Variants in SLC39A11 observed in about 807,000 individuals in gnomAD.
The protein encoded by SLC39A11 is zinc transporter ZIP11.
In SLC39A11, 33 loss-of-function variants were observed where a neutral mutation model predicts 36.1. The ratio of observed to expected loss-of-function variants is 0.91; its 90% CI spans 0.69 to 1.22. SLC39A11 has a LOEUF of 1.22. Ranked by LOEUF, SLC39A11 falls within the 50% of genes most tolerant of loss-of-function variation. The pLI is 0.00. For synonymous variants in SLC39A11, 166 were observed against 170.3 expected (o/e 0.97, Z 0.20); for missense variants, 432 against 430.3 (o/e 1.00, Z -0.03).
At chr17:72,754,998 A>G (rs1324791368) in intron 6 of SLC39A11, among the ~76,000 whole-genome samples, 1 of 152,248 alleles carries the variant, frequency 6.6e-6, no homozygotes, top group Non-Finnish European at 1.5e-5. Flanking sequence ...CCATCCTTAC[A>G]TGAAACCTGC....
intron 6 of SLC39A11, among the ~76,000 whole-genome samples, chr17:72,797,657 C>T (rs1217059658): frequency 3.3e-5 from 5 of 152,126 alleles, no homozygotes; most frequent in Non-Finnish European, 2.9e-5. Flanking sequence ...CGTCTAATAC[C>T]CCACTAACTC....
chr17:73,007,393 C>T (rs1477327172), intron 4 of SLC39A11, among the ~76,000 whole-genome samples: 2 of 152,300 alleles, frequency 1.3e-5, no homozygotes, highest in Admixed American at 6.5e-5. Flanking sequence ...TGCACTCCAG[C>T]CTGGTCAGCA....
intron 5 of SLC39A11, among the ~76,000 whole-genome samples, chr17:72,896,916 G>A (rs1318762503): frequency 6.6e-6 from 1 of 151,786 alleles, no homozygotes; most frequent in South Asian, 2.1e-4. Context: ...AGCTGGGCGT[G>A]GTGGCGGGCA....
At chr17:72,850,955 C>G (rs11653089) in intron 5 of SLC39A11, among the ~76,000 whole-genome samples, 79,207 of 151,876 alleles carry the variant, frequency 0.52, 21,151 homozygotes, top group Middle Eastern at 0.58. Flanking sequence ...GAGAATTGGC[C>G]ACTCCAACGT....
In SLC39A11 at chr17:73,004,227, GAA is replaced by G. The variant is rs1203968791; in HGVS notation, c.306+27327_306+27328del. 6.5e-5 allele frequency among the ~76,000 whole-genome samples: 6 copies of G among 92,502 alleles called. No homozygotes were observed. In the East Asian group the frequency reaches 1.8e-3, roughly 27 times the overall value. The allele number at this position is 92,502 out of a possible 152,430, so 60.7% of individuals were successfully genotyped here. ...AGAAAGAAAGAAAGAAAGAAAGAAA[GAA>G]AGAAAAGAAAGAAAGAGAAAAAGCA... On this transcript the variant is annotated intron_variant, in intron 4 of 9. Transcript: ENST00000255559.
chr17:72,891,963 C>T (rs1247881985), intron 5 of SLC39A11, among the ~76,000 whole-genome samples: 1 of 152,062 alleles, frequency 6.6e-6, no homozygotes, highest in Non-Finnish European at 1.5e-5. Context: ...AGCACAGTGT[C>T]CAGCACACAG....
chr17:73,082,813 C>T (rs1599209907), intron 3 of SLC39A11, among the ~76,000 whole-genome samples: 1 of 150,946 alleles, frequency 6.6e-6, no homozygotes, highest in East Asian at 2.0e-4. Context: ...GAGTTCGAGA[C>T]CAGCCTGGCC....
chr17:73,060,758 T>C (rs2059817311), intron 3 of SLC39A11, among the ~76,000 whole-genome samples: 1 of 152,180 alleles, frequency 6.6e-6, no homozygotes, highest in East Asian at 1.9e-4. Flanking sequence ...ATATGTGTTC[T>C]AGAAAATTGT....
chr17:72,812,775 T>C (rs1256225561), intron 6 of SLC39A11, among the ~76,000 whole-genome samples: 1 of 152,196 alleles, frequency 6.6e-6, no homozygotes. Flanking sequence ...TTCTTGTAAC[T>C]CCCTCTTGTG....
chr17:72,988,794 C>T (rs1039144499), intron 4 of SLC39A11, among the ~76,000 whole-genome samples: 2 of 152,218 alleles, frequency 1.3e-5, no homozygotes, highest in East Asian at 1.9e-4. Flanking sequence ...CTGCAACCTC[C>T]GCCTCCCAGG....
intron 5 of SLC39A11, among the ~76,000 whole-genome samples, chr17:72,851,197 T>C (rs1193280594): frequency 6.6e-6 from 1 of 152,182 alleles, no homozygotes; most frequent in Non-Finnish European, 1.5e-5. Context: ...ACCTTCCTTT[T>C]AAAAATGCCT....
chr17:72,832,768 G>A (rs767804116), intron 6 of SLC39A11, among the ~76,000 whole-genome samples: 1 of 152,182 alleles, frequency 6.6e-6, no homozygotes, highest in African/African-American at 2.4e-5. Flanking sequence ...AAACAAACAG[G>A]GACTTATTAA....
At chr17:72,974,936 A>C (rs2087735337) in intron 4 of SLC39A11, among the ~76,000 whole-genome samples, 2 of 152,224 alleles carry the variant, frequency 1.3e-5, no homozygotes. Context: ...ACAGTAACAT[A>C]CTATACAGGT....
At chr17:72,718,050 T>C (rs1206117283) in intron 7 of SLC39A11, among the ~76,000 whole-genome samples, 1 of 152,206 alleles carries the variant, frequency 6.6e-6, no homozygotes, top group African/African-American at 2.4e-5. Context: ...AACAGAAATA[T>C]TTGCTTCCAG....
At chr17:72,682,489 T>C (rs2071551142) in intron 7 of SLC39A11, among the ~76,000 whole-genome samples, 2 of 152,220 alleles carry the variant, frequency 1.3e-5, no homozygotes, top group South Asian at 4.1e-4. Context: ...GTTATACGTG[T>C]AATTGACTAA....
At chr17:72,821,324 A>G (rs1598870471) in intron 6 of SLC39A11, among the ~76,000 whole-genome samples, 1 of 150,116 alleles carries the variant, frequency 6.7e-6, no homozygotes, top group South Asian at 2.1e-4. Flanking sequence ...CCAACATGGT[A>G]AAACTCCGTC....
At chr17:72,911,618 G>A (rs2083004019) in intron 5 of SLC39A11, among the ~76,000 whole-genome samples, 1 of 151,908 alleles carries the variant, frequency 6.6e-6, no homozygotes, top group African/African-American at 2.4e-5. Flanking sequence ...GTCTGATTCT[G>A]ATTCTTCTGT....
chr17:73,066,364 C>T (rs1009836058), intron 3 of SLC39A11, among the ~76,000 whole-genome samples: 2 of 152,142 alleles, frequency 1.3e-5, no homozygotes. Context: ...AGCCCAGCAA[C>T]CTAGAACCAG....
At chr17:72,715,935 G>C (rs1327225028) in intron 7 of SLC39A11, among the ~76,000 whole-genome samples, 1 of 152,138 alleles carries the variant, frequency 6.6e-6, no homozygotes, top group African/African-American at 2.4e-5. Context: ...GACTTCAAGT[G>C]ATCCGCCCGC....
Sources: gnomAD v4.1 joint callset for allele counts (sites outside exome capture counted in the v4.1 genomes callset) on GRCh38, gnomAD v4.1.1 for gene constraint, MANE v1.5 for transcripts, NCBI Gene and HGNC (gene_info 2026-07-23, HGNC 2026-07-21) for gene names.